PACRG: variants seen among roughly 807,000 people sequenced by gnomAD.
PACRG encodes parkin coregulated.
A neutral mutation model predicts 29.7 loss-of-function variants in PACRG; 29 were observed. That is an observed-to-expected ratio of 0.98 (90% CI 0.73 to 1.33). PACRG has a LOEUF of 1.33. Among genes scored for constraint, PACRG ranks in the 40% most tolerant of loss-of-function variants. PACRG has a pLI of 0.00. For missense variants in PACRG, 279 were observed against 316.2 expected (o/e 0.88, Z 0.89); for synonymous variants, 116 against 118.7 (o/e 0.98, Z 0.15).
At chr6:162,967,598 C>T (rs1233220142) in intron 2 of PACRG, among the ~76,000 whole-genome samples, 2 of 151,898 alleles carry the variant, frequency 1.3e-5, no homozygotes, top group Admixed American at 6.6e-5. Context: ...GCTCCGCCTC[C>T]CGGTTTCACG....
intron 4 of PACRG, among the ~76,000 whole-genome samples, chr6:163,124,242 TG>T (rs1436043202): frequency 6.6e-6 from 1 of 152,212 alleles, no homozygotes; most frequent in Non-Finnish European, 1.5e-5. Context: ...ATTGCATAGG[TG>T]GCCTTTCCAC....
intron 4 of PACRG, among the ~76,000 whole-genome samples, chr6:163,181,549 C>G (rs556298344): frequency 6.8e-6 from 1 of 146,220 alleles, no homozygotes; most frequent in South Asian, 2.2e-4. Context: ...GGATTTGCCC[C>G]TGGAAATGGG....
intron 4 of PACRG, among the ~76,000 whole-genome samples, chr6:163,185,477 C>T (rs1779874191): frequency 2.0e-5 from 3 of 152,160 alleles, no homozygotes; most frequent in South Asian, 2.1e-4. Context: ...GTTACTGTTA[C>T]TTCAACACTT....
At chr6:162,991,904 A>G in intron 2 of PACRG, among the ~76,000 whole-genome samples, 5 of 116,910 alleles carry the variant, frequency 4.3e-5, no homozygotes, top group Admixed American at 8.1e-5. Flanking sequence ...ATTATTTTGA[A>G]ATATGTCCCA....
At chr6:162,922,435 A>C (rs1406349925) in intron 2 of PACRG, among the ~76,000 whole-genome samples, 2 of 151,740 alleles carry the variant, frequency 1.3e-5, no homozygotes, top group Non-Finnish European at 2.9e-5. Context: ...CGTGTAAGGA[A>C]CATTCAAATT....
At chr6:163,251,742 T>G (rs1782913112) in intron 4 of PACRG, among the ~76,000 whole-genome samples, 1 of 152,134 alleles carries the variant, frequency 6.6e-6, no homozygotes, top group African/African-American at 2.4e-5. Flanking sequence ...AAATACAAAT[T>G]CCAGGATGCT....
At chr6:162,868,181 G>A (rs1386322122) in intron 2 of PACRG, among the ~76,000 whole-genome samples, 1 of 152,166 alleles carries the variant, frequency 6.6e-6, no homozygotes, top group Non-Finnish European at 1.5e-5. Context: ...GACTAGGATA[G>A]GATACACGGT....
chr6:163,117,940 TAA>T (rs1816089747), intron 4 of PACRG, among the ~76,000 whole-genome samples: 1 of 152,076 alleles, frequency 6.6e-6, no homozygotes, highest in Non-Finnish European at 1.5e-5. Context: ...TGGCTGTTCT[TAA>T]AATTAGGTTG....
chr6:163,293,531 A>G (rs1246949690), intron 4 of PACRG, among the ~76,000 whole-genome samples: 1 of 152,234 alleles, frequency 6.6e-6, no homozygotes, highest in African/African-American at 2.4e-5. Context: ...CAGTTACATC[A>G]TGAACTAAGG....
intron 2 of PACRG, among the ~76,000 whole-genome samples, chr6:162,987,005 A>AT (rs1802959977): frequency 6.6e-6 from 1 of 151,520 alleles, no homozygotes; most frequent in South Asian, 2.1e-4. Context: ...AACCTTCTGA[A>AT]TTTTTTATTT....
Position 162,954,453 on chromosome 6 carries a change from A to G in PACRG, c.292-107697A>G, listed in dbSNP as rs1478388010. ...TTCCTGAGTTGCTTTTTTTTTTTTA[A>G]TGGCCTAAAGGTTCTCAATTTAGAA... On this transcript the variant is annotated intron_variant, in intron 2 of 4. Transcript: ENST00000366888. Among the ~76,000 whole-genome samples the G allele has an allele frequency of 2.0e-5, 3 of 150,922 alleles. No homozygotes were observed. In the East Asian group the frequency reaches 5.8e-4, roughly 29 times the overall value.
In PACRG at chr6:162,765,856, ATGAT is replaced by A. The variant is rs1190375104; in HGVS notation, c.156+37469_156+37472del. On this transcript the variant is annotated intron_variant, in intron 1 of 4. Transcript: ENST00000366888. ...ATATAACTATTTAATATTTTATACA[ATGAT>A]TGAATTCTTTAAATGCTATGGGAGT... Among the ~76,000 whole-genome samples the A allele has an allele frequency of 2.0e-5, 3 of 152,274 alleles. 1 individual carries two copies. Among genetic ancestry groups the A allele is most frequent in the South Asian group, 4.1e-4 (2 of 4,824 alleles).
chr6:163,157,942 C>G (rs1017792729), intron 4 of PACRG, among the ~76,000 whole-genome samples: 2 of 152,174 alleles, frequency 1.3e-5, no homozygotes, highest in Non-Finnish European at 1.5e-5. Flanking sequence ...AGGCTTAACT[C>G]TTGACTTTTC....
Position 163,176,080 on chromosome 6 carries a change from C to T in PACRG, c.613+86672C>T, listed in dbSNP as rs188057318. 3.3e-3 allele frequency among the ~76,000 whole-genome samples: 502 copies of T among 152,292 alleles called. 2 individuals are homozygous for T. Among genetic ancestry groups the T allele is most frequent in the Non-Finnish European group, 4.1e-3 (277 of 68,022 alleles). On this transcript the variant is annotated intron_variant, in intron 4 of 4. Transcript: ENST00000366888. ...AAAACACAAGTAGACCCGTTAAGAG[C>T]AATTGTAAGATGTCAGTTTCTCCGT...
intron 4 of PACRG, among the ~76,000 whole-genome samples, chr6:163,155,252 A>G (rs1021982326): frequency 6.6e-6 from 1 of 152,196 alleles, no homozygotes; most frequent in Admixed American, 6.5e-5. Context: ...CTGCCCTTGA[A>G]TGGTACCCCG....
intron 2 of PACRG, among the ~76,000 whole-genome samples, chr6:162,971,595 C>T (rs1001544633): frequency 7.2e-5 from 11 of 152,182 alleles, no homozygotes; most frequent in African/African-American, 2.4e-4. Flanking sequence ...CGTGTGCATC[C>T]GCCTCCAGAA....
intron 2 of PACRG, among the ~76,000 whole-genome samples, chr6:162,915,710 G>A (rs897334240): frequency 2.0e-5 from 3 of 151,812 alleles, no homozygotes; most frequent in African/African-American, 7.3e-5. Context: ...TGTTTTTGTG[G>A]TTGCTTTATG....
intron 2 of PACRG, among the ~76,000 whole-genome samples, chr6:162,901,571 T>TA (rs1368818952): frequency 1.3e-5 from 2 of 152,200 alleles, no homozygotes; most frequent in Non-Finnish European, 2.9e-5. Context: ...GCTAAACACT[T>TA]ACAGTTTTTA....
chr6:162,858,621 A>G (rs1367463106), intron 2 of PACRG, among the ~76,000 whole-genome samples: 1 of 152,254 alleles, frequency 6.6e-6, no homozygotes, highest in Non-Finnish European at 1.5e-5. Flanking sequence ...GAGCCTTCAG[A>G]AATGGAGACC....
Sources: gnomAD v4.1 joint callset for allele counts (sites outside exome capture counted in the v4.1 genomes callset) on GRCh38, gnomAD v4.1.1 for gene constraint, MANE v1.5 for transcripts, NCBI Gene and HGNC (gene_info 2026-07-23, HGNC 2026-07-21) for gene names.